The following COL6A5 variants were observed in gnomAD, a reference collection of about 807,000 sequenced individuals.
COL6A5 encodes the protein collagen type VI alpha 5 chain.
COL6A5 carries 48 observed loss-of-function variants against 65.6 expected under a neutral mutation model. The ratio of observed to expected loss-of-function variants is 0.73; its 90% CI spans 0.58 to 0.93. The LOEUF is 0.93. COL6A5 is among the 40% of genes least tolerant of loss of function. COL6A5 has a pLI of 0.00. For synonymous variants in COL6A5, 291 were observed against 322.8 expected (o/e 0.90, Z 1.05); for missense variants, 914 against 928.3 (o/e 0.98, Z 0.20).
intron 25 of COL6A5, among the ~76,000 whole-genome samples, chr3:130,420,482 A>G (rs1275447407): frequency 6.6e-6 from 1 of 152,120 alleles, no homozygotes; most frequent in African/African-American, 2.4e-5. Context: ...CAACACAGCA[A>G]TGAACATTCA....
At chr3:130,483,260 C>T (rs922151080) in intron 7 of COL6A5, among the ~76,000 whole-genome samples, 8 of 152,006 alleles carry the variant, frequency 5.3e-5, no homozygotes, top group East Asian at 1.9e-4. Flanking sequence ...CAGTACCAGC[C>T]GCTGCAAAAA....
rs1397020688 is a variant in COL6A5, at chr3:130,391,503, A to G, written c.2741A>G (p.Gln914Arg). 2.6e-6 allele frequency: 4 copies of G among 1,551,744 alleles called. No homozygotes were observed. The Admixed American group carries it at 7.8e-5, about 30-fold the overall frequency. Reference sequence around the variant, plus strand: ...GAGGAACATGGCAGCCGCATCAAGCAAAATGTGAAGCAGATGCTGATTGTC... The same window carrying G: ...GAGGAACATGGCAGCCGCATCAAGCGAAATGTGAAGCAGATGCTGATTGTC... The change falls in exon 7 of 42, where the codon CAA becomes CGA. Residue 914 changes from glutamine to arginine, a missense_variant and NMD_transcript_variant. By Grantham distance (43) the Gln-to-Arg change is conservative. Transcript: ENST00000312481.
upstream of COL6A5, among the ~76,000 whole-genome samples, chr3:130,429,408 C>T (rs966051995): frequency 2.6e-5 from 4 of 152,224 alleles, no homozygotes; most frequent in African/African-American, 7.2e-5. Flanking sequence ...ATTCTGTTGA[C>T]ATCTTCCTCA....
At chr3:130,379,831 C>G in exon 4 of COL6A5, 1 of 1,551,346 alleles carries the variant, frequency 6.4e-7, no homozygotes, top group Non-Finnish European at 8.7e-7. Flanking sequence ...TGCGCTGAAC[C>G]TTCGACTGGA....
At chr3:130,439,997 AG>A (rs752617876) in intron 2 of COL6A5, among the ~76,000 whole-genome samples, 168 bp from the exon 35 acceptor site, 10 of 152,164 alleles carry the variant, frequency 6.6e-5, no homozygotes, top group Non-Finnish European at 1.3e-4. Flanking sequence ...TGCCCGGAGA[AG>A]TACCGGGACA....
In COL6A5 at chr3:130,410,170, C is replaced by G. The variant is rs562725421; in HGVS notation, c.4608+96C>G. ...TAACCCTTCTGTAATTGAACAAATG[C>G]TCTTAAGACCACATTGAAAAGACCT... On this transcript the variant is annotated intron_variant and NMD_transcript_variant, in intron 19 of 41. Transcript: ENST00000312481. 1.9e-3 allele frequency: 1,640 copies of G among 878,360 alleles called. 3 individuals carry two copies. Among genetic ancestry groups the G allele is most frequent in the Non-Finnish European group, 2.4e-3 (1,376 of 563,110 alleles). 54.4% of individuals were successfully genotyped at this position (878,360 alleles called of 1,614,324 possible). A position where few individuals can be genotyped will look rare whatever the true frequency, so the allele number is the denominator to read the frequency against.
chr3:130,388,202 A>G (rs1175839977), intron 5 of COL6A5, among the ~76,000 whole-genome samples: 4 of 152,114 alleles, frequency 2.6e-5, no homozygotes, highest in Admixed American at 1.3e-4. Flanking sequence ...TGTTAGTACT[A>G]TGAGTGCAAG....
At chr3:130,406,290 T>C (rs1282054230) in exon 17 of COL6A5, 8 of 1,550,354 alleles carry the variant, frequency 5.2e-6, no homozygotes, top group Non-Finnish European at 7.0e-6. Flanking sequence ...TTTCCTGGAA[T>C]AAAAGGAGAA....
intron 4 of COL6A5, among the ~76,000 whole-genome samples, chr3:130,453,919 C>T (rs1337535211): frequency 3.3e-5 from 5 of 152,116 alleles, no homozygotes; most frequent in Non-Finnish European, 5.9e-5. Flanking sequence ...TACAGGGAAG[C>T]GTCTAGCAGC....
In COL6A5 at chr3:130,468,791, GCAGGA is replaced by G; in HGVS notation, c.1545-1_1548del. ...AAAGAATGACTTGAGTTATTCTGTT[GCAGGA>G]CATGAAAATTATGGCAGAAAAGAAG... On this transcript the variant is annotated splice_acceptor_variant and splice_polypyrimidine_tract_variant and coding_sequence_variant and intron_variant, in exon 6 of 8. Transcript: ENST00000512836. LOFTEE classifies it high-confidence loss of function. The G allele has an allele frequency of 6.3e-7, 1 of 1,599,968 alleles. No individual in the cohort carries two copies. The highest frequency in any genetic ancestry group is 1.1e-5 in the South Asian group (1 of 89,270).
intron 5 of COL6A5, among the ~76,000 whole-genome samples, chr3:130,458,875 C>T (rs1709637820): frequency 6.6e-6 from 1 of 152,114 alleles, no homozygotes; most frequent in Admixed American, 6.6e-5. Flanking sequence ...CTTCTAATTA[C>T]TTGCCAACAG....
intron 7 of COL6A5, among the ~76,000 whole-genome samples, chr3:130,474,923 C>T (rs1412197608): frequency 9.3e-5 from 13 of 139,970 alleles, no homozygotes; most frequent in African/African-American, 3.5e-4. Context: ...GGAATAATTG[C>T]TTGAGCCCCA....
At chr3:130,410,550 TC>T in intron 20 of COL6A5, 26 bp downstream of exon 20, 1 of 1,540,488 alleles carries the variant, frequency 6.5e-7, no homozygotes, top group Non-Finnish European at 8.8e-7. Context: ...GACATTTATT[TC>T]CCCTCCTTGC....
rs76775308 is a variant in COL6A5 at position 130,379,722 on chromosome 3, C to T, written c.972C>T (p.Asp324=). ...CTGCCATTGATCAGATGAGAAGAGACGGCTTCTCAGAGTCATATGGCAGCA... is the reference window on the plus strand; with the variant it reads ...CTGCCATTGATCAGATGAGAAGAGATGGCTTCTCAGAGTCATATGGCAGCA... Residue 324 remains aspartate, a synonymous_variant and NMD_transcript_variant, in exon 4 of 42, where the codon GAC becomes GAT. Coordinates refer to the COL6A5 transcript ENST00000312481. 4,819 of 1,551,360 alleles carry T rather than the reference C, an allele frequency of 3.1e-3. 35 individuals are homozygous for T. Among genetic ancestry groups the T allele is most frequent in the South Asian group, 0.016 (1,314 of 84,062 alleles).
chr3:130,378,963 T>G (rs1180943480), intron 3 of COL6A5, among the ~76,000 whole-genome samples: 2 of 152,176 alleles, frequency 1.3e-5, no homozygotes, highest in Non-Finnish European at 2.9e-5. Flanking sequence ...TTCTGCTAAC[T>G]CATCCCTGCA....
At chr3:130,391,541 G>T in exon 7 of COL6A5, 1 of 1,551,654 alleles carries the variant, frequency 6.4e-7, no homozygotes, top group Non-Finnish European at 8.7e-7. Context: ...CACCGATGGG[G>T]AATCCCATGA....
At chr3:130,484,076 C>G (rs1461596912) in exon 8 of COL6A5, 1 of 1,602,788 alleles carries the variant, frequency 6.2e-7, no homozygotes, top group Non-Finnish European at 8.5e-7. Flanking sequence ...AAGAAGATAG[C>G]TCCACTGACA....
At chr3:130,442,169 T>C (rs2107704436) in intron 3 of COL6A5, among the ~76,000 whole-genome samples, 1 of 152,320 alleles carries the variant, frequency 6.6e-6, no homozygotes, top group East Asian at 1.9e-4. Flanking sequence ...CAATTAAATT[T>C]TGATACCAAC....
At chr3:130,399,652 C>T (rs9875661) in intron 10 of COL6A5, among the ~76,000 whole-genome samples, 36,281 of 149,360 alleles carry the variant, frequency 0.24, 5,751 homozygotes, top group East Asian at 0.61. Context: ...ATTACAGGCA[C>T]GAGCCACTGC....
Sources: gnomAD v4.1 joint callset for allele counts (sites outside exome capture counted in the v4.1 genomes callset) on GRCh38, gnomAD v4.1.1 for gene constraint, MANE v1.5 for transcripts, NCBI Gene and HGNC (gene_info 2026-07-23, HGNC 2026-07-21) for gene names.